NRG3: variants seen among roughly 807,000 people sequenced by gnomAD.
NRG3 encodes neuregulin 3.
Under a neutral mutation model 66.9 loss-of-function variants are expected in NRG3, and 31 were observed. The observed-to-expected ratio is 0.46, with a 90% CI of 0.35 to 0.63. The LOEUF is 0.63. NRG3 is among the 20% of genes least tolerant of loss of function. NRG3 has a pLI of 0.00. For missense variants in NRG3, 910 were observed against 878.9 expected, an observed-to-expected ratio of 1.04 and a Z score of -0.45; for synonymous variants, 393 against 359.4, an observed-to-expected ratio of 1.09 and a Z score of -1.06.
intron 2 of NRG3, among the ~76,000 whole-genome samples, chr10:82,646,213 G>T (rs1294039360): frequency 6.6e-6 from 1 of 152,104 alleles, no homozygotes; most frequent in African/African-American, 2.4e-5. Flanking sequence ...CAAAAGTAGT[G>T]GGGGTGGGGT....
intron 1 of NRG3, among the ~76,000 whole-genome samples, chr10:82,321,699 G>A (rs945027031): frequency 6.6e-6 from 1 of 152,160 alleles, no homozygotes; most frequent in Non-Finnish European, 1.5e-5. Context: ...TGTCTTGCTA[G>A]GAGCAAAGCA....
At chr10:82,134,199 AT>A (rs2069151305) in intron 1 of NRG3, among the ~76,000 whole-genome samples, 2 of 152,116 alleles carry the variant, frequency 1.3e-5, no homozygotes, top group East Asian at 1.9e-4. Context: ...ATTTACTCCC[AT>A]TCTGTAAGTT....
At chr10:82,375,583 T>C (rs975208916) in intron 2 of NRG3, among the ~76,000 whole-genome samples, 19 of 151,922 alleles carry the variant, frequency 1.3e-4, no homozygotes, top group Non-Finnish European at 2.4e-4. Flanking sequence ...AGGAAAGCTG[T>C]AATGTGTAAA....
intron 1 of NRG3, among the ~76,000 whole-genome samples, chr10:82,341,356 C>CT (rs2082679567): frequency 6.6e-6 from 1 of 151,930 alleles, no homozygotes. Flanking sequence ...TGGAGTTGGG[C>CT]TTTTTTGACT....
intron 2 of NRG3, among the ~76,000 whole-genome samples, chr10:82,661,694 C>A (rs188066457): frequency 1.6e-3 from 238 of 152,210 alleles, no homozygotes; most frequent in Non-Finnish European, 3.0e-3. Context: ...AGAGCTAAGA[C>A]CATGTGTGTG....
intron 1 of NRG3, among the ~76,000 whole-genome samples, chr10:82,302,149 AAAGG>A (rs2080439717): frequency 6.6e-6 from 1 of 151,820 alleles, no homozygotes; most frequent in South Asian, 2.1e-4. Flanking sequence ...TGACTCCATT[AAAGG>A]TTACCATCTG....
chr10:82,025,133 A>C (rs1669212630), intron 1 of NRG3, among the ~76,000 whole-genome samples: 1 of 151,914 alleles, frequency 6.6e-6, no homozygotes, highest in Admixed American at 6.6e-5. Flanking sequence ...TTAAGAAGAA[A>C]TTGTTTCTTA....
chr10:81,987,121 CTT>C lies in NRG3; in HGVS notation c.823+110959_823+110960del, dbSNP rs576577661. Among the ~76,000 whole-genome samples, 112 of 151,712 alleles carry C rather than the reference CTT, an allele frequency of 7.4e-4. 1 individual carries two copies. Among genetic ancestry groups the C allele is most frequent in the African/African-American group, 2.2e-3 (91 of 41,356 alleles). ...GAGAGGGAGTCTTGCTCTGCTAGCT[CTT>C]GTTGCCTAGGCTGGAGTGCAGTGAC... On this transcript the variant is annotated intron_variant, in intron 1 of 8. Transcript: ENST00000372141.
chr10:82,602,891 A>G (rs2047720772), intron 2 of NRG3, among the ~76,000 whole-genome samples: 1 of 152,184 alleles, frequency 6.6e-6, no homozygotes, highest in Non-Finnish European at 1.5e-5. Flanking sequence ...GAGTTTGACA[A>G]TGGTTCTGCA....
chr10:82,378,116 A>G (rs1474667395), intron 2 of NRG3, among the ~76,000 whole-genome samples: 1 of 152,134 alleles, frequency 6.6e-6, no homozygotes, highest in South Asian at 2.1e-4. Context: ...GTTTTTTCTT[A>G]CTTGTTCAGG....
At chr10:82,896,650 G>T (rs1564612083) in intron 4 of NRG3, among the ~76,000 whole-genome samples, 1 of 152,128 alleles carries the variant, frequency 6.6e-6, no homozygotes, top group African/African-American at 2.4e-5. Context: ...ATTAAAGTCA[G>T]TACCTCAAAT....
At chr10:82,723,981 A>G (rs976173356) in intron 2 of NRG3, among the ~76,000 whole-genome samples, 5 of 151,924 alleles carry the variant, frequency 3.3e-5, no homozygotes, top group African/African-American at 4.8e-5. Context: ...CTCCATCTCA[A>G]AAAAAAGTAA....
intron 1 of NRG3, among the ~76,000 whole-genome samples, chr10:81,926,026 T>G (rs12241979): frequency 0.021 from 3,145 of 152,288 alleles, 129 homozygotes; most frequent in African/African-American, 0.073. Context: ...TAGACAGCAG[T>G]AAGATTGGGA....
intron 3 of NRG3, among the ~76,000 whole-genome samples, chr10:82,774,456 G>T (rs1380163720): frequency 3.9e-5 from 6 of 151,944 alleles, no homozygotes; most frequent in Admixed American, 3.3e-4. Flanking sequence ...TGTATTATTG[G>T]TTTGTTTAAG....
Position 82,638,214 on chromosome 10 carries a change from G to C in NRG3, c.954-100363G>C, listed in dbSNP as rs370619651. Among the ~76,000 whole-genome samples the C allele has an allele frequency of 2.0e-5, 3 of 152,292 alleles. No homozygotes were observed. The East Asian group carries it at 5.8e-4, about 29-fold the overall frequency. On this transcript the variant is annotated intron_variant, in intron 2 of 8. Transcript: ENST00000372141. ...ATGAAATGCTCTTGGTACAGAGCCT[G>C]CTGGTAGGTTAATAGGAGGAACATA...
At chr10:81,979,354 A>G (rs2060249438) in intron 1 of NRG3, among the ~76,000 whole-genome samples, 3 of 152,300 alleles carry the variant, frequency 2.0e-5, no homozygotes, top group African/African-American at 2.4e-5. Context: ...AGGAAATTCT[A>G]AAATCTTGCT....
At chr10:82,966,059 C>G (rs907092583) in intron 6 of NRG3, among the ~76,000 whole-genome samples, 2 of 152,164 alleles carry the variant, frequency 1.3e-5, no homozygotes, top group Non-Finnish European at 2.9e-5. Flanking sequence ...CAGCAAGTTT[C>G]TATACTCTGT....
At position 82,725,695 on chromosome 10, in the gene NRG3, AT is replaced by A. The variant is rs565290982; in HGVS notation, c.954-12877del. Among the ~76,000 whole-genome samples the A allele has an allele frequency of 1.4e-3, 207 of 152,314 alleles. 1 individual carries two copies. The highest frequency in any genetic ancestry group is 3.4e-3 in the Middle Eastern group (1 of 294). On this transcript the variant is annotated intron_variant, in intron 2 of 8. Coordinates refer to ENST00000372141, the MANE Select transcript of NRG3 (RefSeq NM_001010848.4). ...TGAATTTCAGATAAACAATGAATGC[AT>A]TTTTAGTATAAGTATGTCCCAAATA...
At chr10:82,165,711 G>T (rs2071991747) in intron 1 of NRG3, among the ~76,000 whole-genome samples, 1 of 151,256 alleles carries the variant, frequency 6.6e-6, no homozygotes, top group Non-Finnish European at 1.5e-5. Context: ...TTTTGAGAGG[G>T]GGCGTGACAG....
Sources: gnomAD v4.1 joint callset for allele counts (sites outside exome capture counted in the v4.1 genomes callset) on GRCh38, gnomAD v4.1.1 for gene constraint, MANE v1.5 for transcripts, NCBI Gene and HGNC (gene_info 2026-07-23, HGNC 2026-07-21) for gene names.